The following SUGCT variants were observed in gnomAD, a reference collection of about 807,000 sequenced individuals.
The protein encoded by SUGCT is succinyl-CoA:glutarate-CoA transferase, also known as succinyl-CoA:glutarate CoA-transferase.
A neutral mutation model predicts 55.0 loss-of-function variants in SUGCT; 41 were observed. That is an observed-to-expected ratio of 0.74 (90% CI 0.58 to 0.97). SUGCT has a LOEUF of 0.97. SUGCT is among the 50% of genes least tolerant of loss of function. SUGCT has a pLI of 0.00. For missense variants in SUGCT, 568 were observed against 547.8 expected, an observed-to-expected ratio of 1.04 and a Z score of -0.37; for synonymous variants, 187 against 200.4, an observed-to-expected ratio of 0.93 and a Z score of 0.56.
At chr7:41,004,530 A>T in the SUGCT span, among the ~76,000 whole-genome samples, 1 of 152,240 alleles carries the variant, frequency 6.6e-6, no homozygotes, top group Admixed American at 6.5e-5. Context: ...AGAGGCCAGC[A>T]TCATATGCAG....
chr7:40,900,992 G>C, the SUGCT span, among the ~76,000 whole-genome samples: 4 of 152,204 alleles, frequency 2.6e-5, no homozygotes, highest in African/African-American at 7.2e-5. Flanking sequence ...AGAAATGTTT[G>C]GATGGATGTG....
intron 8 of SUGCT, among the ~76,000 whole-genome samples, chr7:40,304,157 T>A (rs961233140): frequency 5.3e-5 from 8 of 151,756 alleles, no homozygotes; most frequent in African/African-American, 1.9e-4. Flanking sequence ...AATAGAGAAT[T>A]GGAGAGGGTC....
intron 12 of SUGCT, among the ~76,000 whole-genome samples, chr7:40,575,276 G>T (rs556587642): frequency 1.2e-4 from 18 of 152,098 alleles, no homozygotes; most frequent in African/African-American, 4.1e-4. Flanking sequence ...CTCTGTTATT[G>T]TTGCCTTATC....
intron 13 of SUGCT, among the ~76,000 whole-genome samples, chr7:40,839,484 T>C (rs952063208): frequency 2.0e-5 from 3 of 152,242 alleles, no homozygotes; most frequent in African/African-American, 7.2e-5. Context: ...AGTGATTGTG[T>C]AAATTCTTTT....
intron 10 of SUGCT, among the ~76,000 whole-genome samples, chr7:40,458,266 C>G (rs1322294674): frequency 6.6e-6 from 1 of 152,204 alleles, no homozygotes; most frequent in Non-Finnish European, 1.5e-5. Flanking sequence ...CTCCTTGTGA[C>G]TTTCCAATAC....
In SUGCT at chr7:40,260,522, A is replaced by G. The variant is rs142655280; in HGVS notation, c.577-13991A>G. 8.6e-4 allele frequency among the ~76,000 whole-genome samples: 131 copies of G among 152,372 alleles called. 2 individuals carry two copies. The highest frequency in any genetic ancestry group is 1.2e-3 in the Non-Finnish European group (85 of 68,034). On this transcript the variant is annotated intron_variant, in intron 7 of 13. Transcript: ENST00000335693. Reference sequence around the variant, plus strand: ...GCTTAAAAGGAGAGCCTTTCTTATTAGGTAAAACCTTGTACTCAGATAATT... The same window carrying G: ...GCTTAAAAGGAGAGCCTTTCTTATTGGGTAAAACCTTGTACTCAGATAATT...
intron 12 of SUGCT, among the ~76,000 whole-genome samples, chr7:40,615,641 T>C (rs935018162): frequency 6.6e-6 from 1 of 152,216 alleles, no homozygotes; most frequent in East Asian, 1.9e-4. Context: ...GCAGAATACA[T>C]GATCTCCTAG....
intron 9 of SUGCT, among the ~76,000 whole-genome samples, chr7:40,414,233 C>G (rs976095786): frequency 6.6e-6 from 1 of 152,150 alleles, no homozygotes; most frequent in African/African-American, 2.4e-5. Context: ...TCTGAATATA[C>G]TAAATGGAAA....
chr7:41,027,043 C>A, the SUGCT span, among the ~76,000 whole-genome samples: 1 of 152,014 alleles, frequency 6.6e-6, no homozygotes, highest in Non-Finnish European at 1.5e-5. Flanking sequence ...AAAAAAGTTT[C>A]ATACTTAAAA....
the SUGCT span, among the ~76,000 whole-genome samples, chr7:41,004,910 C>G: frequency 0.02 from 3,065 of 152,268 alleles, 96 homozygotes; most frequent in African/African-American, 0.069. Flanking sequence ...GTTAATGGAA[C>G]TTAGAGACAA....
the SUGCT span, among the ~76,000 whole-genome samples, chr7:40,944,036 A>C: frequency 5.3e-5 from 8 of 151,672 alleles, no homozygotes; most frequent in South Asian, 4.2e-4. Flanking sequence ...GCCAGTGATG[A>C]TGAGCATTTT....
chr7:40,652,065 A>G (rs1219845542), intron 12 of SUGCT, among the ~76,000 whole-genome samples: 2 of 152,084 alleles, frequency 1.3e-5, no homozygotes, highest in African/African-American at 4.8e-5. Context: ...TCAGTCCTGA[A>G]ATAAATGAAT....
chr7:40,339,767 CA>C (rs1374681657), intron 9 of SUGCT, among the ~76,000 whole-genome samples: 13 of 152,172 alleles, frequency 8.5e-5, no homozygotes, highest in Admixed American at 4.6e-4. Context: ...ACTCACTGTC[CA>C]ACAAGTCCCA....
At chr7:40,907,096 AGTGTGTGTGTGTGTGT>A in the SUGCT span, among the ~76,000 whole-genome samples, 14 of 101,670 alleles carry the variant, frequency 1.4e-4, no homozygotes, top group East Asian at 3.5e-4. Flanking sequence ...TTGTTCTGAT[AGTGTGTGTGTGTGTGT>A]GTGTGTGTGT....
chr7:40,470,027 G>A (rs779325212), intron 11 of SUGCT, among the ~76,000 whole-genome samples: 1 of 152,032 alleles, frequency 6.6e-6, no homozygotes, highest in Non-Finnish European at 1.5e-5. Flanking sequence ...ATAGTATCAC[G>A]GGCCAAAGAT....
chr7:40,285,691 C>T (rs566040385), intron 8 of SUGCT, among the ~76,000 whole-genome samples: 12 of 152,112 alleles, frequency 7.9e-5, no homozygotes, highest in Admixed American at 3.3e-4. Flanking sequence ...AGCATTGTGG[C>T]GAGGTGTAAT....
At chr7:40,945,789 TGTGAATG>T in the SUGCT span, among the ~76,000 whole-genome samples, 1 of 152,164 alleles carries the variant, frequency 6.6e-6, no homozygotes, top group Admixed American at 6.6e-5. Context: ...GCCAAACTAC[TGTGAATG>T]CTGCTGCTCC....
chr7:40,161,021 C>A (rs747743022), intron 1 of SUGCT, among the ~76,000 whole-genome samples: 5 of 152,072 alleles, frequency 3.3e-5, no homozygotes, highest in Non-Finnish European at 5.9e-5. Flanking sequence ...ATGAATATGG[C>A]TAGGCCACTT....
intron 9 of SUGCT, among the ~76,000 whole-genome samples, chr7:40,331,003 AAAG>A (rs1345569624): frequency 2.4e-4 from 36 of 152,276 alleles, no homozygotes; most frequent in Non-Finnish European, 4.0e-4. Flanking sequence ...CGCCACATTG[AAAG>A]AAGAAGAATT....
Sources: gnomAD v4.1 joint callset for allele counts (sites outside exome capture counted in the v4.1 genomes callset) on GRCh38, gnomAD v4.1.1 for gene constraint, MANE v1.5 for transcripts, NCBI Gene and HGNC (gene_info 2026-07-23, HGNC 2026-07-21) for gene names.